EPHA7: variants seen among roughly 807,000 people sequenced by gnomAD.
The protein encoded by EPHA7 is EPH receptor A7.
In EPHA7, 25 loss-of-function variants were observed where a neutral mutation model predicts 112.6. The ratio of observed to expected loss-of-function variants is 0.22; its 90% CI spans 0.16 to 0.31. EPHA7 has a LOEUF of 0.31. EPHA7 is among the 10% of genes least tolerant of loss of function. The pLI is 1.00. For missense variants in EPHA7, 962 were observed against 1,212.6 expected, an observed-to-expected ratio of 0.79 and a Z score of 3.07; for synonymous variants, 437 against 406.5, an observed-to-expected ratio of 1.07 and a Z score of -0.90.
At chr6:93,250,816 A>C (rs950259232) in intron 14 of EPHA7, among the ~76,000 whole-genome samples, 2 of 152,154 alleles carry the variant, frequency 1.3e-5, no homozygotes, top group African/African-American at 4.8e-5. Context: ...ATATCTAAAT[A>C]GTTCCCAGAG....
In EPHA7 at chr6:93,258,997, A is replaced by G. The variant is rs909669758; in HGVS notation, c.1924+357T>C. On this transcript the variant is annotated intron_variant, in intron 10 of 16. Coordinates refer to ENST00000369303, the MANE Select transcript of EPHA7 (RefSeq NM_004440.4). Reference sequence around the variant, plus strand: ...ATAAAAATGAAAGTTTTGTAAGAAGACAGTAAATCAAGTAAAAGGAAATGT... The same window carrying G: ...ATAAAAATGAAAGTTTTGTAAGAAGGCAGTAAATCAAGTAAAAGGAAATGT... Among the ~76,000 whole-genome samples, 6 of 151,986 alleles carry G rather than the reference A, an allele frequency of 3.9e-5. No individual in the cohort carries two copies. The East Asian group carries it at 1.2e-3, about 29-fold the overall frequency.
chr6:93,319,323 G>C (rs164299), intron 5 of EPHA7, among the ~76,000 whole-genome samples: 57,641 of 151,882 alleles, frequency 0.38, 11,770 homozygotes, highest in African/African-American at 0.54. Flanking sequence ...ATAGAGATGA[G>C]TTTGGTAGCC....
At chr6:93,411,476 A>T (rs1353638987) in intron 2 of EPHA7, among the ~76,000 whole-genome samples, 1 of 152,084 alleles carries the variant, frequency 6.6e-6, no homozygotes, top group African/African-American at 2.4e-5. Flanking sequence ...TGAGATTATA[A>T]TTTTTATAGA....
At chr6:93,411,508 A>G (rs547992170) in intron 2 of EPHA7, among the ~76,000 whole-genome samples, 1 of 152,270 alleles carries the variant, frequency 6.6e-6, no homozygotes, top group South Asian at 2.1e-4. Flanking sequence ...AATTATTTAA[A>G]TTATCAGTGA....
At chr6:93,282,508 A>G (rs575277929) in intron 5 of EPHA7, among the ~76,000 whole-genome samples, 144 of 152,250 alleles carry the variant, frequency 9.5e-4, no homozygotes, top group African/African-American at 3.4e-3. Flanking sequence ...GCCCTCACTC[A>G]CTCTTGGCGC....
chr6:93,246,431 T>A (rs1171484890), intron 15 of EPHA7, among the ~76,000 whole-genome samples: 1 of 152,120 alleles, frequency 6.6e-6, no homozygotes, highest in East Asian at 1.9e-4. Flanking sequence ...ATACTATGCA[T>A]ATAACAAAAA....
intron 5 of EPHA7, among the ~76,000 whole-genome samples, chr6:93,331,886 CAT>C (rs1382489226): frequency 1.3e-5 from 2 of 151,572 alleles, no homozygotes; most frequent in Non-Finnish European, 3.0e-5. Flanking sequence ...AATAGGCTTT[CAT>C]TATATAACTC....
intron 5 of EPHA7, among the ~76,000 whole-genome samples, chr6:93,335,554 A>C (rs1199933546): frequency 2.0e-5 from 3 of 152,110 alleles, no homozygotes; most frequent in African/African-American, 7.2e-5. Flanking sequence ...TAGAAGGGAG[A>C]CCACCAGCAA....
At chr6:93,406,420 C>A (rs929565962) in intron 3 of EPHA7, among the ~76,000 whole-genome samples, 4 of 151,620 alleles carry the variant, frequency 2.6e-5, no homozygotes, top group Admixed American at 6.6e-5. Context: ...GGCATATGGT[C>A]ACCCTACATA....
chr6:93,289,080 T>C (rs955063493), intron 5 of EPHA7, among the ~76,000 whole-genome samples: 1 of 151,248 alleles, frequency 6.6e-6, no homozygotes, highest in African/African-American at 2.5e-5. Flanking sequence ...CCCTCTTGGA[T>C]AGGAAGCTTT....
At chr6:93,284,394 G>A (rs552506762) in intron 5 of EPHA7, among the ~76,000 whole-genome samples, 23 of 151,756 alleles carry the variant, frequency 1.5e-4, no homozygotes, top group Non-Finnish European at 2.8e-4. Flanking sequence ...CCTACAAGGG[G>A]AAGAAGAAAA....
chr6:93,294,037 G>A (rs1479740372), intron 5 of EPHA7, among the ~76,000 whole-genome samples: 8 of 152,102 alleles, frequency 5.3e-5, no homozygotes, highest in African/African-American at 1.9e-4. Flanking sequence ...TTATGGACAG[G>A]AGATTTATGG....
At chr6:93,304,214 T>C (rs1000691162) in intron 5 of EPHA7, among the ~76,000 whole-genome samples, 1 of 150,808 alleles carries the variant, frequency 6.6e-6, no homozygotes, top group Non-Finnish European at 1.5e-5. Context: ...AGCAAGTATA[T>C]ACTTGTAGTA....
chr6:93,334,622 A>C (rs1774767112), intron 5 of EPHA7, among the ~76,000 whole-genome samples: 1 of 152,062 alleles, frequency 6.6e-6, no homozygotes, highest in African/African-American at 2.4e-5. Flanking sequence ...GAACAAACTT[A>C]ATATATAATG....
rs1293675854 is a variant in EPHA7, at chr6:93,242,357, TTATAA to T, written c.*1064_*1068del. ...ACTGCCCCTTTATCATGCTTCAGAG[TTATAA>T]TATAAAACAATTATTTCCTTTCATG... On this transcript the variant is annotated 3_prime_UTR_variant, in exon 17 of 17. Coordinates refer to ENST00000369303, the MANE Select transcript of EPHA7 (RefSeq NM_004440.4). 1 of 199,390 alleles carries T rather than the reference TTATAA, an allele frequency of 5.0e-6. No individual in the cohort carries two copies. The highest frequency in any genetic ancestry group is 7.8e-5 in the East Asian group (1 of 12,768). The allele number at this position is 199,390 out of a possible 1,614,324, so 12.4% of individuals were successfully genotyped here.
At chr6:93,368,366 G>A (rs1028772978) in intron 3 of EPHA7, among the ~76,000 whole-genome samples, 4 of 152,080 alleles carry the variant, frequency 2.6e-5, no homozygotes, top group African/African-American at 4.8e-5. Context: ...AGCACAGGTA[G>A]ACATGCAGGA....
intron 5 of EPHA7, among the ~76,000 whole-genome samples, chr6:93,278,984 C>T (rs906221149): frequency 2.0e-5 from 3 of 151,970 alleles, no homozygotes; most frequent in Non-Finnish European, 2.9e-5. Context: ...TCAAAAGACC[C>T]ATAGGGATCT....
chr6:93,333,351 C>A (rs1296629273), intron 5 of EPHA7, among the ~76,000 whole-genome samples: 2 of 151,760 alleles, frequency 1.3e-5, no homozygotes, highest in African/African-American at 4.8e-5. Context: ...CGAACATACG[C>A]ATGCATGTCT....
intron 3 of EPHA7, among the ~76,000 whole-genome samples, chr6:93,375,336 C>T (rs1427004561): frequency 6.6e-6 from 1 of 151,952 alleles, no homozygotes; most frequent in African/African-American, 2.4e-5. Context: ...CTCAGAGAGG[C>T]CAAGCATGGT....
Sources: gnomAD v4.1 joint callset for allele counts (sites outside exome capture counted in the v4.1 genomes callset) on GRCh38, gnomAD v4.1.1 for gene constraint, MANE v1.5 for transcripts, NCBI Gene and HGNC (gene_info 2026-07-23, HGNC 2026-07-21) for gene names.